The following CCL25 variants were observed in gnomAD, a reference collection of about 807,000 sequenced individuals.
CCL25 encodes the protein C-C motif chemokine 25.
In CCL25, 14 loss-of-function variants were observed where a neutral mutation model predicts 19.9. The observed-to-expected ratio is 0.70, with a 90% confidence interval of 0.47 to 1.10. The LOEUF is 1.10. Among genes scored for constraint, CCL25 ranks in the 50% least tolerant of loss-of-function variants. CCL25 has a pLI of 0.00. For synonymous variants in CCL25, 68 were observed against 73.2 expected (o/e 0.93, Z 0.36); for missense variants, 151 against 181.2 (o/e 0.83, Z 0.96).
At position 8,056,447 on chromosome 19, in the gene CCL25, T is replaced by C; in HGVS notation, c.273T>C (p.Asp91=). 1 of 1,614,146 alleles carries C rather than the reference T, an allele frequency of 6.2e-7. No homozygotes were observed. Among genetic ancestry groups the C allele is most frequent in the Middle Eastern group, 1.6e-4 (1 of 6,062 alleles). ...TGCAGAGAGCCATGAAGCTCCTGGA[T>C]GCTCGAAATAAGGTTTTTGCAAAGC... ...REVQRAMKLL[D]ARNKVFAKLH... The change falls in exon 4 of 6, where the codon GAT becomes GAC. Residue 91 remains aspartate (D), a synonymous_variant. Transcript: ENST00000315626.
At chr19:8,056,302 G>GGGGGGGGGGCCCCC in intron 3 of CCL25, 33 bp downstream of exon 3, 2 of 593,382 alleles carry the variant, frequency 3.4e-6, no homozygotes, top group East Asian at 8.9e-5. Flanking sequence ...GGGGGGTGGG[G>GGGGGGGGGGCCCCC]TGCACACACA....
At chr19:8,057,980 C>A in intron 5 of CCL25, 60 bp downstream of exon 5, 1 of 1,576,062 alleles carries the variant, frequency 6.3e-7, no homozygotes, top group Non-Finnish European at 8.6e-7. Context: ...GGGTTGAGGG[C>A]TCGTGATTGG....
At chr19:8,058,669 T>C (rs932717239) in intron 5 of CCL25, among the ~76,000 whole-genome samples, 1 of 97,202 alleles carries the variant, frequency 1.0e-5, no homozygotes, top group Non-Finnish European at 2.0e-5. Context: ...TTATTATTAT[T>C]TTTTTTTGAG....
chr19:8,058,437 AATAT>A (rs1183970763), intron 5 of CCL25, among the ~76,000 whole-genome samples: 4 of 118,654 alleles, frequency 3.4e-5, no homozygotes, highest in African/African-American at 1.3e-4. Context: ...GTAAATATAT[AATAT>A]ATAAATATAT....
At chr19:8,062,181 GTCAA>G (rs1246565801) in intron 5 of CCL25, 33 bp from the exon 6 acceptor site, 3 of 1,610,166 alleles carry the variant, frequency 1.9e-6, no homozygotes, top group Non-Finnish European at 2.5e-6. Context: ...TTTTACAGCC[GTCAA>G]TTTTACTTCG....
chr19:8,055,305 G>A (rs1194431659), intron 2 of CCL25, among the ~76,000 whole-genome samples: 2 of 136,384 alleles, frequency 1.5e-5, no homozygotes, highest in Non-Finnish European at 3.1e-5. Flanking sequence ...AAAAAAAGGC[G>A]CCCACCACCA....
At chr19:8,053,170 C>A in intron 2 of CCL25, 48 bp downstream of exon 2, 2 of 1,183,264 alleles carry the variant, frequency 1.7e-6, no homozygotes, top group South Asian at 1.5e-5. Context: ...CTCCCCATGC[C>A]CCCACCCCAC....
intron 5 of CCL25, among the ~76,000 whole-genome samples, chr19:8,058,769 C>T (rs1484540130): frequency 1.4e-5 from 2 of 139,090 alleles, no homozygotes; most frequent in Non-Finnish European, 1.5e-5. Flanking sequence ...CGCCATTCTC[C>T]TGCCTCAGCC....
chr19:8,058,042 C>T (rs1272186619), intron 5 of CCL25, 122 bp downstream of exon 5: 85 of 1,452,870 alleles, frequency 5.9e-5, no homozygotes, highest in East Asian at 7.7e-5. Context: ...GGTGGTTGTG[C>T]GGTCAGTGCC....
At chr19:8,052,932 G>T in intron 1 of CCL25, 68 bp from the exon 2 acceptor site, 1 of 602,520 alleles carries the variant, frequency 1.7e-6, no homozygotes, top group Non-Finnish European at 2.9e-6. Context: ...GGCTTAAGAG[G>T]GGGGATGTTC....
intron 4 of CCL25, among the ~76,000 whole-genome samples, chr19:8,057,231 GCTGGTCTCGAA>G (rs1854145747): frequency 3.3e-5 from 5 of 152,108 alleles, no homozygotes; most frequent in Admixed American, 3.3e-4. Flanking sequence ...TGTTGGCCAG[GCTGGTCTCGAA>G]CTCCTGACCT....
intron 5 of CCL25, 34 bp downstream of exon 5, chr19:8,057,954 C>T (rs2081284203): frequency 1.2e-6 from 2 of 1,601,802 alleles, no homozygotes; most frequent in Middle Eastern, 1.7e-4. Context: ...TGTCTCCCAT[C>T]CATCACCTTT....
intron 4 of CCL25, 96 bp downstream of exon 4, chr19:8,056,595 GA>G: frequency 7.2e-7 from 1 of 1,396,030 alleles, no homozygotes; most frequent in Non-Finnish European, 9.9e-7. Flanking sequence ...TTGGAGACCA[GA>G]ATACTGACAC....
In CCL25 at chr19:8,057,933, G is replaced by A. The variant is rs549968783; in HGVS notation, c.445+13G>A. On this transcript the variant is annotated intron_variant, in intron 5 of 5. Coordinates refer to ENST00000315626, the MANE Select transcript of CCL25 (RefSeq NM_005624.4). ...TCAGCTAATTCAGGTAAGGACTCTT[G>A]GTCATGTGACTGTCTCCCATCCATC... 70 of 1,608,956 alleles carry A rather than the reference G, an allele frequency of 4.4e-5. 1 individual carries two copies. In the South Asian group the frequency reaches 5.4e-4, roughly 12 times the overall value.
chr19:8,056,112 A>G (rs1437263133), intron 2 of CCL25, 40 bp from the exon 3 acceptor site: 1 of 1,379,856 alleles, frequency 7.2e-7, no homozygotes, highest in African/African-American at 1.4e-5. Flanking sequence ...CCAAGTTAAC[A>G]TGCAAGGGTG....
At chr19:8,058,677 G>C (rs1203008121) in intron 5 of CCL25, among the ~76,000 whole-genome samples, 6 of 123,502 alleles carry the variant, frequency 4.9e-5, no homozygotes, top group Non-Finnish European at 9.6e-5. Context: ...ATTTTTTTTT[G>C]AGATGGAGTC....
At chr19:8,055,782 C>T (rs55755237) in intron 2 of CCL25, among the ~76,000 whole-genome samples, 68,069 of 151,896 alleles carry the variant, frequency 0.45, 15,278 homozygotes, top group East Asian at 0.51. Flanking sequence ...CCAATCAGCT[C>T]ATTTTTAGGA....
chr19:8,061,414 G>T (rs2081317090), intron 5 of CCL25, among the ~76,000 whole-genome samples: 1 of 152,148 alleles, frequency 6.6e-6, no homozygotes, highest in South Asian at 2.1e-4. Context: ...CAAAGTTCTG[G>T]GATGACAGGC....
rs758806404 is a variant in CCL25 at position 8,056,157 on chromosome 19, T to C, written c.79T>C (p.Phe27Leu). The change falls in exon 3 of 6, where the codon TTT (phenylalanine) becomes CTT (leucine). Residue 27 changes from phenylalanine (F) to leucine (L), a missense_variant. Phe to Leu is a conservative substitution (Grantham distance 22). Coordinates refer to ENST00000315626, the MANE Select transcript of CCL25 (RefSeq NM_005624.4). ...GGGCGGCTGTGTGGTTGCAGGTGTC[T>C]TTGAGGACTGCTGCCTGGCCTACCA... Reference protein sequence around the residue: ...WAPAVHTQGVFEDCCLAYHYP... With the variant: ...WAPAVHTQGVLEDCCLAYHYP... 8 of 1,543,904 alleles carry C rather than the reference T, an allele frequency of 5.2e-6. No homozygotes were observed. The South Asian group carries it at 8.9e-5, about 17-fold the overall frequency.
Sources: allele counts gnomAD v4.1 joint callset (sites outside exome capture counted in the v4.1 genomes callset), GRCh38; gene constraint gnomAD v4.1.1; transcripts MANE v1.5; gene names NCBI Gene and HGNC (gene_info 2026-07-23, HGNC 2026-07-21).